Variants in CA10 observed in about 807,000 individuals in gnomAD.
The protein encoded by CA10 is carbonic anhydrase-related protein 10.
CA10 carries 14 observed loss-of-function variants against 44.2 expected under a neutral mutation model. That is an observed-to-expected ratio of 0.32 (90% CI 0.21 to 0.50). The LOEUF is 0.50. Among genes scored for constraint, CA10 ranks in the 20% least tolerant of loss-of-function variants. The probability of loss-of-function intolerance (pLI) is 0.99; values close to 1 mark genes in which losing one functional copy is unlikely to be tolerated. For synonymous variants in CA10, 159 were observed against 141.6 expected, an observed-to-expected ratio of 1.12 and a Z score of -0.87; for missense variants, 350 against 409.7, an observed-to-expected ratio of 0.85 and a Z score of 1.26.
chr17:51,828,121 G>A (rs972512040), intron 3 of CA10, among the ~76,000 whole-genome samples: 3 of 152,194 alleles, frequency 2.0e-5, no homozygotes, highest in African/African-American at 7.2e-5. Flanking sequence ...CACTGAGATT[G>A]TAGAATTCAT....
At chr17:52,146,793 A>G (rs985008073) in intron 1 of CA10, among the ~76,000 whole-genome samples, 2 of 152,178 alleles carry the variant, frequency 1.3e-5, no homozygotes, top group African/African-American at 4.8e-5. Context: ...AACCCCTCCC[A>G]TGGTCTTCCT....
intron 4 of CA10, among the ~76,000 whole-genome samples, chr17:51,673,035 T>C (rs749370233): frequency 6.6e-5 from 10 of 152,244 alleles, no homozygotes; most frequent in Non-Finnish European, 1.2e-4. Context: ...ACCTCTCTTG[T>C]TGGTCTTTCT....
intron 2 of CA10, among the ~76,000 whole-genome samples, chr17:52,040,150 T>C (rs1420788117): frequency 1.3e-5 from 2 of 150,310 alleles, no homozygotes; most frequent in African/African-American, 4.9e-5. Flanking sequence ...TTTTTCTTTT[T>C]TTTTTTTTTG....
intron 3 of CA10, among the ~76,000 whole-genome samples, chr17:51,816,584 G>A (rs577710432): frequency 5.9e-5 from 9 of 152,188 alleles, no homozygotes; most frequent in African/African-American, 1.7e-4. Context: ...AACTATTGTA[G>A]TGTTATTGGT....
intron 3 of CA10, among the ~76,000 whole-genome samples, chr17:51,914,251 C>T (rs1981902465): frequency 9.3e-6 from 1 of 107,490 alleles, no homozygotes; most frequent in African/African-American, 3.4e-5. Context: ...AGAGAGGCTG[C>T]AGAGGAGACA....
At chr17:51,776,903 T>G (rs568555929) in intron 3 of CA10, among the ~76,000 whole-genome samples, 1 of 152,270 alleles carries the variant, frequency 6.6e-6, no homozygotes, top group Non-Finnish European at 1.5e-5. Flanking sequence ...CAAGAACCGT[T>G]CCTGGCACTC....
At chr17:51,957,699 A>G (rs1335454112) in intron 2 of CA10, among the ~76,000 whole-genome samples, 1 of 152,146 alleles carries the variant, frequency 6.6e-6, no homozygotes, top group South Asian at 2.1e-4. Flanking sequence ...TTAGTTCAAG[A>G]GAATAAAAAC....
At chr17:51,775,107 G>C (rs975529073) in intron 3 of CA10, among the ~76,000 whole-genome samples, 4 of 152,144 alleles carry the variant, frequency 2.6e-5, no homozygotes, top group African/African-American at 7.2e-5. Context: ...CTCCTCTAAA[G>C]GGGGAGGGGC....
intron 2 of CA10, among the ~76,000 whole-genome samples, chr17:51,939,513 G>A (rs1982995041): frequency 6.6e-6 from 1 of 152,040 alleles, no homozygotes; most frequent in South Asian, 2.1e-4. Context: ...TAGTGACTAT[G>A]ATGAACATTT....
intron 4 of CA10, among the ~76,000 whole-genome samples, chr17:51,717,205 T>A (rs2143511517): frequency 6.6e-6 from 1 of 152,058 alleles, no homozygotes; most frequent in South Asian, 2.1e-4. Context: ...GTGCTAGAAT[T>A]TTTTAGCATT....
At chr17:51,970,377 T>C (rs1984237245) in intron 2 of CA10, among the ~76,000 whole-genome samples, 2 of 53,360 alleles carry the variant, frequency 3.7e-5, no homozygotes, top group Admixed American at 5.1e-4. Context: ...AGGAATATTT[T>C]AGTTTTATTA....
chr17:52,005,327 T>C (rs1397328565), intron 2 of CA10, among the ~76,000 whole-genome samples: 2 of 151,952 alleles, frequency 1.3e-5, no homozygotes, highest in East Asian at 1.9e-4. Context: ...ACTGGAATCT[T>C]TAAAGAAACT....
rs1227653163 is a variant in CA10, at chr17:51,717,726, TAC to T, written c.465+29905_465+29906del. Among the ~76,000 whole-genome samples, 97 of 30,366 alleles carry T rather than the reference TAC, an allele frequency of 3.2e-3. 10 individuals carry two copies. The highest frequency in any genetic ancestry group is 5.4e-3 in the Non-Finnish European group (69 of 12,832). 19.9% of individuals were successfully genotyped at this position (30,366 alleles called of 152,430 possible). ...GTATATATACATATATACGTATATATACATATATACGTATATATACATGTATA... is the reference window on the plus strand; with the variant it reads ...GTATATATACATATATACGTATATATATATATACGTATATATACATGTATA... On this transcript the variant is annotated intron_variant, in intron 4 of 8. Transcript: ENST00000451037.
chr17:52,078,322 G>T (rs1201179141), intron 1 of CA10, among the ~76,000 whole-genome samples: 1 of 152,142 alleles, frequency 6.6e-6, no homozygotes, highest in African/African-American at 2.4e-5. Context: ...GTTGGGGAAG[G>T]GATGTTGCTT....
At chr17:52,068,193 G>A (rs1228868610) in intron 2 of CA10, among the ~76,000 whole-genome samples, 1 of 152,194 alleles carries the variant, frequency 6.6e-6, no homozygotes. Flanking sequence ...GGATCTTGGG[G>A]TGGTTTCTCC....
chr17:51,669,163 G>A (rs115724516), intron 4 of CA10, among the ~76,000 whole-genome samples: 200 of 152,332 alleles, frequency 1.3e-3, no homozygotes, highest in African/African-American at 4.2e-3. Flanking sequence ...TCTGCCGGGC[G>A]GCCCAGTGTG....
chr17:52,039,398 C>A (rs150174388), intron 2 of CA10, among the ~76,000 whole-genome samples: 1 of 152,002 alleles, frequency 6.6e-6, no homozygotes. Context: ...ACAGCAGGCC[C>A]TGGCTTTAAT....
intron 3 of CA10, among the ~76,000 whole-genome samples, chr17:51,862,425 CTTT>C (rs377626191): frequency 9.0e-5 from 13 of 145,022 alleles, no homozygotes; most frequent in African/African-American, 2.3e-4. Context: ...TAACTGGAGT[CTTT>C]TTTTTTTTTG....
chr17:51,891,918 A>G (rs1980874625), intron 3 of CA10, among the ~76,000 whole-genome samples: 1 of 152,196 alleles, frequency 6.6e-6, no homozygotes. Flanking sequence ...GGAATGTATC[A>G]TGCCATCCCT....
Sources: gnomAD v4.1 joint callset for allele counts (sites outside exome capture counted in the v4.1 genomes callset) on GRCh38, gnomAD v4.1.1 for gene constraint, MANE v1.5 for transcripts, NCBI Gene and HGNC (gene_info 2026-07-23, HGNC 2026-07-21) for gene names.